Variants in PTPRT observed in about 807,000 individuals in gnomAD.
The protein encoded by PTPRT is protein tyrosine phosphatase receptor type T, also known as receptor-type tyrosine-protein phosphatase T.
In PTPRT, 56 loss-of-function variants were observed where a neutral mutation model predicts 176.8. The observed-to-expected ratio is 0.32, with a 90% CI of 0.26 to 0.40. PTPRT has a LOEUF of 0.40. PTPRT is among the 10% of genes least tolerant of loss of function. The pLI is 1.00. For missense variants in PTPRT, 1,540 were observed against 1,908.2 expected (o/e 0.81, Z 3.60); for synonymous variants, 783 against 739.0 (o/e 1.06, Z -0.96).
intron 1 of PTPRT, among the ~76,000 whole-genome samples, chr20:43,163,821 A>C (rs1342746164): frequency 6.6e-6 from 1 of 152,244 alleles, no homozygotes; most frequent in African/African-American, 2.4e-5. Context: ...GTGCATAGAA[A>C]GAAGTGGAGA....
intron 1 of PTPRT, among the ~76,000 whole-genome samples, chr20:43,020,997 C>G (rs1985649450): frequency 6.6e-6 from 1 of 152,088 alleles, no homozygotes; most frequent in African/African-American, 2.4e-5. Flanking sequence ...TGGAGACACT[C>G]CATGCCAACT....
At chr20:42,103,782 TA>T (rs1433348023) in intron 25 of PTPRT, among the ~76,000 whole-genome samples, 3 of 152,210 alleles carry the variant, frequency 2.0e-5, no homozygotes, top group Non-Finnish European at 4.4e-5. Flanking sequence ...CCTGTTTGTA[TA>T]AATTTGTCTC....
chr20:42,476,432 G>A (rs181944515), intron 7 of PTPRT, among the ~76,000 whole-genome samples: 127 of 152,280 alleles, frequency 8.3e-4, no homozygotes, highest in African/African-American at 2.8e-3. Context: ...TGCTGTGCCT[G>A]GATCTCCTGT....
intron 1 of PTPRT, among the ~76,000 whole-genome samples, chr20:42,956,381 T>C (rs1301067093): frequency 4.6e-5 from 7 of 152,110 alleles, no homozygotes; most frequent in Non-Finnish European, 8.8e-5. Context: ...TGAAAGTTTG[T>C]GGCACCTCCC....
intron 7 of PTPRT, among the ~76,000 whole-genome samples, chr20:42,645,344 A>G (rs2074867018): frequency 6.6e-6 from 1 of 152,138 alleles, no homozygotes; most frequent in Non-Finnish European, 1.5e-5. Flanking sequence ...TCGGCTGGGA[A>G]TGGGTGGATA....
At chr20:42,869,103 C>T in intron 2 of PTPRT, among the ~76,000 whole-genome samples, 1 of 152,152 alleles carries the variant, frequency 6.6e-6, no homozygotes, top group East Asian at 1.9e-4. Context: ...GCCTCAGTGC[C>T]CAGGCAGAGA....
At chr20:42,847,312 C>T (rs1324306849) in intron 2 of PTPRT, among the ~76,000 whole-genome samples, 1 of 152,166 alleles carries the variant, frequency 6.6e-6, no homozygotes, top group African/African-American at 2.4e-5. Context: ...AGACACACGG[C>T]TGGCCCATAG....
intron 1 of PTPRT, among the ~76,000 whole-genome samples, chr20:42,998,007 G>A (rs868218761): frequency 3.9e-5 from 6 of 152,152 alleles, no homozygotes; most frequent in South Asian, 2.1e-4. Context: ...ATTGCAAGCA[G>A]AGACCCCAGA....
At chr20:42,439,269 CT>C (rs2059290809) in intron 9 of PTPRT, among the ~76,000 whole-genome samples, 1 of 152,056 alleles carries the variant, frequency 6.6e-6, no homozygotes, top group Admixed American at 6.6e-5. Context: ...GTGCACATGT[CT>C]TTTTTAATCT....
chr20:42,810,291 G>A (rs1189846608), intron 2 of PTPRT, among the ~76,000 whole-genome samples: 2 of 152,072 alleles, frequency 1.3e-5, no homozygotes, highest in African/African-American at 4.8e-5. Flanking sequence ...ACAGAGTGAG[G>A]CTCCATCAAC....
At chr20:42,852,898 G>T (rs1288593313) in intron 2 of PTPRT, among the ~76,000 whole-genome samples, 1 of 151,970 alleles carries the variant, frequency 6.6e-6, no homozygotes, top group African/African-American at 2.4e-5. Flanking sequence ...GTGGCCAAGA[G>T]AATATGACAA....
chr20:42,416,546 C>T lies in PTPRT; in HGVS notation c.1560+31674G>A, dbSNP rs573387681. On this transcript the variant is annotated intron_variant, in intron 9 of 30. Coordinates refer to ENST00000373187, the MANE Select transcript of PTPRT (RefSeq NM_007050.6). ...CTCCCTACCTCCAAGGACCGACTGG[C>T]CTTCTATTTGCTGCCCCTAAGTTAA... Among the ~76,000 whole-genome samples, 7 of 152,298 alleles carry T rather than the reference C, an allele frequency of 4.6e-5. No homozygotes were observed. The South Asian group carries it at 1.5e-3, about 32-fold the overall frequency.
In PTPRT at chr20:42,155,769, T is replaced by C. The variant is rs530314961; in HGVS notation, c.2682+5583A>G. Among the ~76,000 whole-genome samples, 402 of 152,304 alleles carry C rather than the reference T, an allele frequency of 2.6e-3. 1 individual carries two copies. Among genetic ancestry groups the C allele is most frequent in the Admixed American group, 4.3e-3 (66 of 15,296 alleles). Reference sequence around the variant, plus strand: ...AAAGTGCGTAGGCTTGTCTGGGCTCTGGGCCCAGTCTCCTGGTTTGGGCAG... The same window carrying C: ...AAAGTGCGTAGGCTTGTCTGGGCTCCGGGCCCAGTCTCCTGGTTTGGGCAG... On this transcript the variant is annotated intron_variant, in intron 17 of 30. Transcript: ENST00000373187.
chr20:42,321,915 CAA>C (rs1215900080), intron 11 of PTPRT, among the ~76,000 whole-genome samples: 1 of 151,918 alleles, frequency 6.6e-6, no homozygotes, highest in African/African-American at 2.4e-5. Flanking sequence ...ACTAAAAATA[CAA>C]AAAAAATTAG....
chr20:42,172,940 G>A (rs572215223), intron 16 of PTPRT, among the ~76,000 whole-genome samples: 7 of 152,062 alleles, frequency 4.6e-5, no homozygotes, highest in Non-Finnish European at 7.4e-5. Context: ...GCCAAACTCC[G>A]CTAGGGATCG....
Position 42,248,760 on chromosome 20 carries a change from T to A in PTPRT, c.2239A>T (p.Met747Leu). ...PEKQVDNTVK[M>L]AGVIAGLLMF... The stretch of plus-strand genomic sequence containing the variant: ...AGGAGGCCAGCGATCACGCCAGCCA[T>A]CTTCACGGTGTTGTCCACCTGCTTC... The change falls in exon 14 of 31, where the codon ATG (methionine) becomes TTG (leucine). Residue 747 changes from methionine (M) to leucine (L), a missense_variant. Met to Leu is a conservative substitution (Grantham distance 15). Coordinates refer to ENST00000373187, the MANE Select transcript of PTPRT (RefSeq NM_007050.6). The A allele has an allele frequency of 1.2e-6, 2 of 1,614,052 alleles. No homozygotes were observed. Among genetic ancestry groups the A allele is most frequent in the Non-Finnish European group, 1.7e-6 (2 of 1,179,970 alleles).
chr20:42,443,011 A>T (rs545987850), intron 9 of PTPRT, among the ~76,000 whole-genome samples: 20 of 152,282 alleles, frequency 1.3e-4, no homozygotes, highest in African/African-American at 4.8e-4. Flanking sequence ...TGATGCCTTA[A>T]TCAAACCCAA....
At chr20:42,820,320 T>G (rs1391173470) in intron 2 of PTPRT, among the ~76,000 whole-genome samples, 1 of 152,148 alleles carries the variant, frequency 6.6e-6, no homozygotes, top group African/African-American at 2.4e-5. Context: ...GAATGACTCC[T>G]GGGTAAATAA....
At chr20:43,077,884 C>T (rs574058821) in intron 1 of PTPRT, among the ~76,000 whole-genome samples, 6 of 152,298 alleles carry the variant, frequency 3.9e-5, no homozygotes, top group African/African-American at 9.6e-5. Context: ...TCTAGACCAA[C>T]CCTAACTGTC....
Sources: allele counts gnomAD v4.1 joint callset (sites outside exome capture counted in the v4.1 genomes callset), GRCh38; gene constraint gnomAD v4.1.1; transcripts MANE v1.5; gene names NCBI Gene and HGNC (gene_info 2026-07-23, HGNC 2026-07-21).